Variants in PGAM5 observed in about 807,000 individuals in gnomAD.
PGAM5 encodes the protein PGAM family member 5, mitochondrial serine/threonine protein phosphatase.
PGAM5 carries 25 observed loss-of-function variants against 30.6 expected under a neutral mutation model. The ratio of observed to expected loss-of-function variants is 0.82; its 90% CI spans 0.60 to 1.14. The LOEUF (loss-of-function observed/expected upper bound fraction) is 1.14, where lower values mean the gene tolerates loss of function less well. Among genes scored for constraint, PGAM5 ranks in the 50% most tolerant of loss-of-function variants. PGAM5 has a pLI of 0.00. For synonymous variants in PGAM5, 201 were observed against 179.1 expected, an observed-to-expected ratio of 1.12 and a Z score of -0.98; for missense variants, 384 against 408.5, an observed-to-expected ratio of 0.94 and a Z score of 0.52.
At chr12:132,720,495 G>T (rs1173575424) in intron 5 of PGAM5, among the ~76,000 whole-genome samples, 183 bp from the exon 6 acceptor site, 2 of 152,106 alleles carry the variant, frequency 1.3e-5, no homozygotes, top group East Asian at 3.9e-4. Flanking sequence ...TTTTAGTAGA[G>T]ATGGGGTTTC....
chr12:132,718,080 T>G lies in PGAM5; in HGVS notation c.679T>G (p.Phe227Val). ...ARQEEDSYEI[F>V]ICHANVIRYI... Reference sequence around the variant, plus strand: ...GCAGGAGGAGGACAGTTACGAGATCTTCATCTGTCACGCCAACGTCATCCG... The same window carrying G: ...GCAGGAGGAGGACAGTTACGAGATCGTCATCTGTCACGCCAACGTCATCCG... Residue 227 changes from phenylalanine to valine, a missense_variant, in exon 5 of 6, where the codon TTC becomes GTC. Phe to Val is a conservative substitution (Grantham distance 50). Coordinates refer to ENST00000498926, the MANE Select transcript of PGAM5 (RefSeq NM_001170543.2). The G allele has an allele frequency of 6.2e-7, 1 of 1,612,782 alleles. No individual in the cohort carries two copies. Among genetic ancestry groups the G allele is most frequent in the Non-Finnish European group, 8.5e-7 (1 of 1,179,972 alleles).
At chr12:132,716,040 C>CA (rs2043574469) in intron 2 of PGAM5, among the ~76,000 whole-genome samples, 1 of 152,028 alleles carries the variant, frequency 6.6e-6, no homozygotes, top group South Asian at 2.1e-4. Flanking sequence ...CTGCCAAAGA[C>CA]GCTTCTCTGC....
chr12:132,720,785 G>A lies in PGAM5; in HGVS notation c.827G>A (p.Gly276Glu). 6.5e-7 allele frequency: 1 copy of A among 1,536,428 alleles called. No individual in the cohort carries two copies. ...PNGRVALRTL[G>E]DTGFMPPDKI... is the part of the protein sequence containing the mutation. ...GGCCGAGTTGCGCTCAGGACCCTCG[G>A]GGACACGGGGTTCATGCCTCCCGAC... Residue 276 changes from glycine to glutamate, a missense_variant, in exon 6 of 6, where the codon GGG becomes GAG. Physicochemically the swap from Gly to Glu is moderately conservative, Grantham distance 98 (BLOSUM62 -2). Transcript: ENST00000498926.
rs1330778816 is a variant in PGAM5 at position 132,710,857 on chromosome 12, C to A, written c.-20C>A. Reference sequence around the variant, plus strand: ...TCGGGGCCGTGGGCGCCTGCGCGGGCCGGCGCGGGAGCAAGCGGCATGGCG... The same window carrying A: ...TCGGGGCCGTGGGCGCCTGCGCGGGACGGCGCGGGAGCAAGCGGCATGGCG... On this transcript the variant is annotated 5_prime_UTR_variant, in exon 1 of 6. Transcript: ENST00000498926. The A allele has an allele frequency of 1.4e-5, 16 of 1,116,320 alleles. No homozygotes were observed. Among genetic ancestry groups the A allele is most frequent in the Non-Finnish European group, 1.7e-5 (16 of 915,100 alleles). The allele number at this position is 1,116,320 out of a possible 1,614,324, so 69.2% of individuals were successfully genotyped here. A position where few individuals can be genotyped will look rare whatever the true frequency, so the allele number is the denominator to read the frequency against.
chr12:132,719,327 G>T (rs1299698447), intron 5 of PGAM5, among the ~76,000 whole-genome samples: 6 of 152,158 alleles, frequency 3.9e-5, no homozygotes, highest in Admixed American at 6.5e-5. Flanking sequence ...TGTCACCTGG[G>T]CCTGTCACCA....
rs571746042 is a variant in PGAM5, at chr12:132,715,570, C to CA, written c.370+548dup. 5.4e-3 allele frequency among the ~76,000 whole-genome samples: 655 copies of CA among 122,336 alleles called. 13 individuals carry two copies. Among genetic ancestry groups the CA allele is most frequent in the African/African-American group, 0.017 (520 of 31,324 alleles). 80.3% of individuals were successfully genotyped at this position (122,336 alleles called of 152,430 possible). A position where few individuals can be genotyped will look rare whatever the true frequency, so the allele number is the denominator to read the frequency against. On this transcript the variant is annotated intron_variant, in intron 2 of 5. Transcript: ENST00000498926. ...TGGGCGACAGAGCGAGACTCCGTCTCAAAAAAAAAAAAAATGTCCTTACCT... is the reference window on the plus strand; with the variant it reads ...TGGGCGACAGAGCGAGACTCCGTCTCAAAAAAAAAAAAAAATGTCCTTACCT...
chr12:132,720,514 A>G (rs977047231), intron 5 of PGAM5, among the ~76,000 whole-genome samples, 164 bp from the exon 6 acceptor site: 1 of 151,908 alleles, frequency 6.6e-6, no homozygotes, highest in Non-Finnish European at 1.5e-5. Flanking sequence ...TCACCGTGTT[A>G]GCTGGGATGG....
Position 132,714,812 on chromosome 12 carries a change from C to G in PGAM5, c.192-46C>G, listed in dbSNP as rs2043555733. 1.9e-6 allele frequency: 3 copies of G among 1,590,044 alleles called. No individual in the cohort carries two copies. In the East Asian group the frequency reaches 6.7e-5, roughly 36 times the overall value. On this transcript the variant is annotated intron_variant, in intron 1 of 5. Coordinates refer to ENST00000498926, the MANE Select transcript of PGAM5 (RefSeq NM_001170543.2). ...TAACATCTTGTCAGAAAAACTCAAA[C>G]TTGGGAACAGAGGTCTCAAGGACAT...
chr12:132,720,604 C>A, intron 5 of PGAM5, 74 bp from the exon 6 acceptor site: 1 of 1,462,634 alleles, frequency 6.8e-7, no homozygotes, highest in Non-Finnish European at 9.1e-7. Flanking sequence ...CCATGCCCGG[C>A]CTAGCTCAGC....
chr12:132,712,645 G>A (rs1156776523), intron 1 of PGAM5, among the ~76,000 whole-genome samples: 1 of 151,748 alleles, frequency 6.6e-6, no homozygotes, highest in Admixed American at 6.6e-5. Context: ...TAGTAGAGAC[G>A]GGGTTTCTCC....
intron 5 of PGAM5, 45 bp from the exon 6 acceptor site, chr12:132,720,633 C>T (rs901954417): frequency 2.6e-6 from 4 of 1,515,668 alleles, no homozygotes; most frequent in African/African-American, 2.7e-5. Context: ...AGGACAGAGC[C>T]CCCTGGCTCT....
In PGAM5 at chr12:132,717,971, C is replaced by T; in HGVS notation, c.586-16C>T. On this transcript the variant is annotated splice_polypyrimidine_tract_variant and intron_variant, in intron 4 of 5. Coordinates refer to ENST00000498926, the MANE Select transcript of PGAM5 (RefSeq NM_001170543.2). Reference sequence around the variant, plus strand: ...CCGAGCACTTCCGCACTGACGGCTCCTCACTCTGCCCCCAGCAGTATTACG... The same window carrying T: ...CCGAGCACTTCCGCACTGACGGCTCTTCACTCTGCCCCCAGCAGTATTACG... 1 of 1,612,574 alleles carries T rather than the reference C, an allele frequency of 6.2e-7. No individual in the cohort carries two copies. Among genetic ancestry groups the T allele is most frequent in the Non-Finnish European group, 8.5e-7 (1 of 1,179,890 alleles).
At chr12:132,717,401 G>A (rs1298927097) in intron 2 of PGAM5, 38 bp from the exon 3 acceptor site, 1 of 1,552,444 alleles carries the variant, frequency 6.4e-7, no homozygotes, top group African/African-American at 1.4e-5. Flanking sequence ...TGGAGGAGGG[G>A]GTGCAGGTGC....
intron 1 of PGAM5, among the ~76,000 whole-genome samples, chr12:132,713,772 AT>A (rs1198456148): frequency 6.6e-6 from 1 of 151,646 alleles, no homozygotes; most frequent in Non-Finnish European, 1.5e-5. Context: ...GGCTCAAGCA[AT>A]TCTCCCACCT....
rs1397199381 is a variant in PGAM5, at chr12:132,718,052, C to CA, written c.652dup (p.Arg218LysfsTer30). The CA allele has an allele frequency of 6.2e-7, 1 of 1,612,876 alleles. No homozygotes were observed. Among genetic ancestry groups the CA allele is most frequent in the Non-Finnish European group, 8.5e-7 (1 of 1,179,994 alleles). ...GGAACTACATCCACCGCGCAGATGC[C>CA]AGGCAGGAGGAGGACAGTTACGAGA... On this transcript the variant is annotated frameshift_variant, in exon 5 of 6. Coordinates refer to ENST00000498926, the MANE Select transcript of PGAM5 (RefSeq NM_001170543.2). LOFTEE classifies it high-confidence loss of function.
intron 1 of PGAM5, among the ~76,000 whole-genome samples, chr12:132,712,574 A>G (rs548267530): frequency 7.2e-4 from 110 of 152,204 alleles, no homozygotes; most frequent in African/African-American, 2.6e-3. Context: ...CTCCTGCCTC[A>G]GCCTCCCGAG....
chr12:132,719,547 T>C (rs2043622369), intron 5 of PGAM5, among the ~76,000 whole-genome samples: 1 of 152,202 alleles, frequency 6.6e-6, no homozygotes, highest in African/African-American at 2.4e-5. Flanking sequence ...ATGAGCCATA[T>C]GGGTGGCTTC....
Position 132,718,124 on chromosome 12 carries a change from G to T in PGAM5, c.719+4G>T, listed in dbSNP as rs779302077. 1 of 1,612,542 alleles carries T rather than the reference G, an allele frequency of 6.2e-7. No individual in the cohort carries two copies. The highest frequency in any genetic ancestry group is 8.5e-7 in the Non-Finnish European group (1 of 1,179,930). Reference sequence around the variant, plus strand: ...TCATCCGCTACATCGTGTGCAGGTAGGCAGCTGCTGGGCTGGGCGTGGTCT... The same window carrying T: ...TCATCCGCTACATCGTGTGCAGGTATGCAGCTGCTGGGCTGGGCGTGGTCT... On this transcript the variant is annotated splice_donor_region_variant and intron_variant, in intron 5 of 5. Coordinates refer to ENST00000498926, the MANE Select transcript of PGAM5 (RefSeq NM_001170543.2).
chr12:132,716,907 C>T (rs373814150), intron 2 of PGAM5, among the ~76,000 whole-genome samples: 21 of 152,316 alleles, frequency 1.4e-4, no homozygotes, highest in Non-Finnish European at 2.5e-4. Context: ...CCAGTGGCTT[C>T]GGCCTTCCTG....
Sources: gnomAD v4.1 joint callset for allele counts (sites outside exome capture counted in the v4.1 genomes callset) on GRCh38, gnomAD v4.1.1 for gene constraint, MANE v1.5 for transcripts, NCBI Gene and HGNC (gene_info 2026-07-23, HGNC 2026-07-21) for gene names.